RAPGEF5: variants seen among roughly 807,000 people sequenced by gnomAD.
The protein encoded by RAPGEF5 is M-Ras-regulated GEF.
RAPGEF5 carries 65 observed loss-of-function variants against 125.2 expected under a neutral mutation model. The observed-to-expected ratio is 0.52, with a 90% CI of 0.43 to 0.64. RAPGEF5 has a LOEUF of 0.64. Among genes scored for constraint, RAPGEF5 ranks in the 30% least tolerant of loss-of-function variants. The pLI, the probability that RAPGEF5 is intolerant of heterozygous loss-of-function variation, is 0.00. For missense variants in RAPGEF5, 958 were observed against 1,048.1 expected (o/e 0.91, Z 1.19); for synonymous variants, 391 against 385.9 (o/e 1.01, Z -0.16).
chr7:22,329,507 T>C (rs773752135), intron 1 of RAPGEF5, among the ~76,000 whole-genome samples: 15 of 152,156 alleles, frequency 9.9e-5, no homozygotes, highest in Non-Finnish European at 2.1e-4. Context: ...TGATGAAACA[T>C]TATGCAGCCA....
At chr7:22,186,955 T>C (rs527672952) in intron 11 of RAPGEF5, among the ~76,000 whole-genome samples, 1 of 152,338 alleles carries the variant, frequency 6.6e-6, no homozygotes, top group East Asian at 1.9e-4. Context: ...TGGCATAATT[T>C]CTCAAAGGAA....
chr7:22,227,996 A>G (rs1168027974), intron 8 of RAPGEF5, among the ~76,000 whole-genome samples: 2 of 152,228 alleles, frequency 1.3e-5, no homozygotes, highest in Non-Finnish European at 1.5e-5. Context: ...GTGTCTGCAA[A>G]GATACCATCT....
At chr7:22,297,403 G>C (rs1292535481) in intron 5 of RAPGEF5, among the ~76,000 whole-genome samples, 1 of 152,166 alleles carries the variant, frequency 6.6e-6, no homozygotes, top group South Asian at 2.1e-4. Flanking sequence ...TTTTTAAAAT[G>C]TTCCTTTCAA....
chr7:22,165,253 A>T (rs1036015386), intron 12 of RAPGEF5, among the ~76,000 whole-genome samples: 7 of 152,198 alleles, frequency 4.6e-5, no homozygotes, highest in Non-Finnish European at 1.0e-4. Context: ...TTGTTTAGGG[A>T]CATCCTATAG....
At chr7:22,200,781 C>T (rs916735763) in intron 9 of RAPGEF5, among the ~76,000 whole-genome samples, 2 of 152,142 alleles carry the variant, frequency 1.3e-5, no homozygotes, top group African/African-American at 4.8e-5. Flanking sequence ...TGTCTAATAA[C>T]CCTAAAACCA....
chr7:22,284,576 T>G (rs144513301), intron 6 of RAPGEF5, among the ~76,000 whole-genome samples: 148 of 152,322 alleles, frequency 9.7e-4, no homozygotes, highest in Non-Finnish European at 1.5e-3. Flanking sequence ...CTGGAAGGAC[T>G]GGAGCCAGCC....
At chr7:22,128,680 T>C (rs1782821544) in intron 24 of RAPGEF5, among the ~76,000 whole-genome samples, 1 of 152,178 alleles carries the variant, frequency 6.6e-6, no homozygotes, top group African/African-American at 2.4e-5. Context: ...TTTTATCCTG[T>C]CTACTCTGTG....
At chr7:22,259,790 G>A (rs986185269) in intron 7 of RAPGEF5, among the ~76,000 whole-genome samples, 3 of 152,190 alleles carry the variant, frequency 2.0e-5, no homozygotes, top group Non-Finnish European at 2.9e-5. Flanking sequence ...CAACAACTAC[G>A]GAGAGAGTAA....
intron 1 of RAPGEF5, among the ~76,000 whole-genome samples, chr7:22,338,720 C>T (rs549772759): frequency 6.6e-6 from 1 of 152,312 alleles, no homozygotes; most frequent in African/African-American, 2.4e-5. Context: ...TATTTAAAAG[C>T]CCATGTGCAA....
chr7:22,202,909 TC>T, intron 9 of RAPGEF5: 1 of 379,322 alleles, frequency 2.6e-6, no homozygotes, highest in Non-Finnish European at 5.3e-6. Flanking sequence ...GAGAAAGCCC[TC>T]AGTAAATAGA....
chr7:22,174,703 T>A (rs1034817538), intron 11 of RAPGEF5, among the ~76,000 whole-genome samples: 3 of 150,594 alleles, frequency 2.0e-5, no homozygotes, highest in Non-Finnish European at 4.4e-5. Flanking sequence ...CTGGGGCTTA[T>A]TCCACAGGAA....
intron 10 of RAPGEF5, 81 bp from the exon 11 acceptor site, chr7:22,193,536 C>T (rs1399114923): frequency 6.4e-7 from 1 of 1,552,320 alleles, no homozygotes; most frequent in Non-Finnish European, 8.7e-7. Flanking sequence ...CCTCATCCTC[C>T]TCGTCGATGT....
chr7:22,271,392 C>T (rs1782422933), intron 6 of RAPGEF5, among the ~76,000 whole-genome samples: 1 of 152,120 alleles, frequency 6.6e-6, no homozygotes, highest in Non-Finnish European at 1.5e-5. Flanking sequence ...TGTACTTTGT[C>T]CTCCTCTAAT....
chr7:22,192,999 A>G (rs1285910706), intron 11 of RAPGEF5: 1 of 288,770 alleles, frequency 3.5e-6, no homozygotes, highest in Non-Finnish European at 6.5e-6. Flanking sequence ...CACTGCCTAC[A>G]TGCCAGGTGA....
At chr7:22,259,506 A>C (rs183156823) in intron 7 of RAPGEF5, among the ~76,000 whole-genome samples, 1 of 152,352 alleles carries the variant, frequency 6.6e-6, no homozygotes, top group East Asian at 1.9e-4. Flanking sequence ...ACTCCTTGGT[A>C]CTTACCCAAA....
chr7:22,272,733 T>C (rs1782465171), intron 6 of RAPGEF5, among the ~76,000 whole-genome samples: 2 of 152,186 alleles, frequency 1.3e-5, no homozygotes, highest in Admixed American at 1.3e-4. Context: ...TAAATATGCT[T>C]CTTAAGAACC....
intron 20 of RAPGEF5, among the ~76,000 whole-genome samples, chr7:22,143,523 T>C (rs1411366173): frequency 6.6e-6 from 1 of 152,220 alleles, no homozygotes; most frequent in Non-Finnish European, 1.5e-5. Flanking sequence ...TTGCAGATCA[T>C]TCTCCCACAA....
intron 6 of RAPGEF5, among the ~76,000 whole-genome samples, chr7:22,290,965 C>A (rs992007541): frequency 8.5e-5 from 13 of 152,234 alleles, no homozygotes; most frequent in African/African-American, 2.9e-4. Context: ...GAACTTTCCA[C>A]CAGAAATATC....
chr7:22,356,696 G>A (rs1205188762), intron 1 of RAPGEF5, 134 bp downstream of exon 1: 1 of 398,098 alleles, frequency 2.5e-6, no homozygotes, highest in East Asian at 9.0e-5. Flanking sequence ...CCCCTCTTCA[G>A]CCGAGTCCGG....
Sources: allele counts gnomAD v4.1 joint callset (sites outside exome capture counted in the v4.1 genomes callset), GRCh38; gene constraint gnomAD v4.1.1; transcripts MANE v1.5; gene names NCBI Gene and HGNC (gene_info 2026-07-23, HGNC 2026-07-21).